Variants in FGD4 observed in about 807,000 individuals in gnomAD.
FGD4 encodes FYVE, RhoGEF and PH domain containing 4.
FGD4 carries 42 observed loss-of-function variants against 102.0 expected under a neutral mutation model. That is an observed-to-expected ratio of 0.41 (90% CI 0.32 to 0.53). The LOEUF is 0.53. Ranked by LOEUF, FGD4 falls within the 20% of genes least tolerant of loss-of-function variation. The pLI, the probability that FGD4 is intolerant of heterozygous loss-of-function variation, is 0.21. For synonymous variants in FGD4, 380 were observed against 375.7 expected (o/e 1.01, Z -0.13); for missense variants, 902 against 1,078.2 (o/e 0.84, Z 2.29).
intron 1 of FGD4, among the ~76,000 whole-genome samples, chr12:32,449,630 T>A (rs78567545): frequency 0.038 from 5,814 of 152,336 alleles, 173 homozygotes; most frequent in South Asian, 0.12. Flanking sequence ...GCTGTTACTT[T>A]GATCACTTGA....
chr12:32,469,915 T>C (rs1943371836), intron 1 of FGD4, among the ~76,000 whole-genome samples: 2 of 152,290 alleles, frequency 1.3e-5, no homozygotes, highest in Admixed American at 1.3e-4. Context: ...CGCCTCGGCC[T>C]CCCAAAGTGC....
intron 1 of FGD4, among the ~76,000 whole-genome samples, chr12:32,560,927 T>G (rs1944493274): frequency 6.6e-6 from 1 of 151,870 alleles, no homozygotes; most frequent in Non-Finnish European, 1.5e-5. Flanking sequence ...CCTAGCGTCA[T>G]TTAATTTCTG....
At chr12:32,569,226 T>C (rs1754929681) in intron 2 of FGD4, among the ~76,000 whole-genome samples, 1 of 152,210 alleles carries the variant, frequency 6.6e-6, no homozygotes, top group South Asian at 2.1e-4. Context: ...TCCTCTTAAT[T>C]GTCCACCCTG....
At chr12:32,442,561 CTTTTTTTT>C (rs35994170) in intron 1 of FGD4, among the ~76,000 whole-genome samples, 31 of 107,108 alleles carry the variant, frequency 2.9e-4, no homozygotes, top group Admixed American at 1.3e-3. Context: ...ATCTTTCATC[CTTTTTTTT>C]TTTTTTTTTT....
At chr12:32,607,154 G>C (rs1189912855) in intron 7 of FGD4, among the ~76,000 whole-genome samples, 4 of 152,174 alleles carry the variant, frequency 2.6e-5, no homozygotes, top group Admixed American at 2.6e-4. Context: ...TAATTGAAGT[G>C]GTTATCAGCA....
At chr12:32,587,819 T>C (rs541623962) in intron 4 of FGD4, among the ~76,000 whole-genome samples, 31 of 152,320 alleles carry the variant, frequency 2.0e-4, no homozygotes, top group African/African-American at 7.5e-4. Context: ...AGTTTTGTAC[T>C]CTTATACTAA....
At chr12:32,476,916 GTTTTTC>G (rs1943597243) in intron 1 of FGD4, among the ~76,000 whole-genome samples, 2 of 152,146 alleles carry the variant, frequency 1.3e-5, no homozygotes, top group African/African-American at 4.8e-5. Context: ...TCTGTGAGCT[GTTTTTC>G]TTTAACAGTA....
intron 14 of FGD4, among the ~76,000 whole-genome samples, chr12:32,632,559 AAG>A (rs1385566048): frequency 1.3e-5 from 2 of 152,182 alleles, no homozygotes; most frequent in Non-Finnish European, 2.9e-5. Context: ...AGAGTCCAGA[AAG>A]AGGGCAAATT....
intron 2 of FGD4, among the ~76,000 whole-genome samples, chr12:32,575,476 CA>C (rs1198868018): frequency 2.0e-5 from 3 of 152,144 alleles, no homozygotes; most frequent in African/African-American, 7.2e-5. Flanking sequence ...TTCACTATGG[CA>C]AGAATTGTAC....
At chr12:32,435,882 C>G (rs996420379) in intron 1 of FGD4, among the ~76,000 whole-genome samples, 9 of 152,116 alleles carry the variant, frequency 5.9e-5, no homozygotes, top group African/African-American at 2.2e-4. Context: ...AATGCAACAG[C>G]AAGGAGAGCT....
chr12:32,564,075 T>C lies in FGD4; in HGVS notation c.167-62T>C, dbSNP rs912152767. Reference sequence around the variant, plus strand: ...GGAGTGGGAGAGGGGAAATTTAACTTATAAGGCAGTATTGTGATATGCCTC... The same window carrying C: ...GGAGTGGGAGAGGGGAAATTTAACTCATAAGGCAGTATTGTGATATGCCTC... On this transcript the variant is annotated intron_variant, in intron 1 of 16. Transcript: ENST00000534526. The C allele has an allele frequency of 2.1e-5, 31 of 1,455,926 alleles. No individual in the cohort carries two copies. The Admixed American group carries it at 6.3e-4, about 30-fold the overall frequency. 90.2% of individuals were successfully genotyped at this position (1,455,926 alleles called of 1,614,324 possible).
chr12:32,543,264 A>G (rs933102718), intron 1 of FGD4, among the ~76,000 whole-genome samples: 5 of 152,320 alleles, frequency 3.3e-5, no homozygotes, highest in Non-Finnish European at 7.4e-5. Context: ...ATTCCTGAAC[A>G]TGGGTGCTCC....
intron 1 of FGD4, among the ~76,000 whole-genome samples, chr12:32,463,225 G>A (rs888344098): frequency 1.3e-5 from 2 of 152,144 alleles, no homozygotes; most frequent in Admixed American, 6.5e-5. Flanking sequence ...AACCATTACC[G>A]AAAAACAAGC....
At chr12:32,463,647 A>G (rs1943171213) in intron 1 of FGD4, among the ~76,000 whole-genome samples, 1 of 152,166 alleles carries the variant, frequency 6.6e-6, no homozygotes, top group African/African-American at 2.4e-5. Context: ...TTGTTCTTGG[A>G]AGCCTGTGAA....
At chr12:32,592,176 G>A (rs1947537648) in intron 4 of FGD4, among the ~76,000 whole-genome samples, 1 of 151,822 alleles carries the variant, frequency 6.6e-6, no homozygotes, top group Non-Finnish European at 1.5e-5. Flanking sequence ...TCCGCTTCCT[G>A]GGTTCAAGCG....
At chr12:32,500,392 T>TTTTATTTTTATTTTATTTTA (rs1379808269) in intron 1 of FGD4, among the ~76,000 whole-genome samples, 66 of 135,316 alleles carry the variant, frequency 4.9e-4, no homozygotes, top group African/African-American at 1.8e-3. Context: ...TTTTATTTTA[T>TTTTATTTTTATTTTATTTTA]TTTTATTTTA....
At chr12:32,467,624 G>C (rs1943296061) in intron 1 of FGD4, among the ~76,000 whole-genome samples, 1 of 152,208 alleles carries the variant, frequency 6.6e-6, no homozygotes, top group African/African-American at 2.4e-5. Flanking sequence ...GTGTAGGACA[G>C]TGTTTTATAC....
chr12:32,602,563 A>G lies in FGD4; in HGVS notation c.1404+246A>G, dbSNP rs1296422700. ...GGATGATTTTTATTAGGGTCTACAT[A>G]AATTTACAAAATGAGTTCCCATTCG... On this transcript the variant is annotated intron_variant, in intron 7 of 16. Transcript: ENST00000534526. Among the ~76,000 whole-genome samples the G allele has an allele frequency of 4.6e-5, 7 of 152,350 alleles. 1 individual carries two copies. The South Asian group carries it at 1.0e-3, about 23-fold the overall frequency.
intron 3 of FGD4, among the ~76,000 whole-genome samples, chr12:32,580,078 A>G (rs1407886126): frequency 6.6e-6 from 1 of 152,112 alleles, no homozygotes; most frequent in African/African-American, 2.4e-5. Flanking sequence ...CATTTTGCCT[A>G]CAGCCTATTC....
Sources: gnomAD v4.1 joint callset for allele counts (sites outside exome capture counted in the v4.1 genomes callset) on GRCh38, gnomAD v4.1.1 for gene constraint, MANE v1.5 for transcripts, NCBI Gene and HGNC (gene_info 2026-07-23, HGNC 2026-07-21) for gene names.